The following CNTN1 variants were observed in gnomAD, a reference collection of about 807,000 sequenced individuals.
The protein encoded by CNTN1 is contactin 1, also known as contactin-1.
A neutral mutation model predicts 126.4 loss-of-function variants in CNTN1; 38 were observed. That is an observed-to-expected ratio of 0.30 (90% confidence interval 0.23 to 0.39). The LOEUF (loss-of-function observed/expected upper bound fraction) is 0.39, where lower values mean the gene tolerates loss of function less well. CNTN1 is among the 10% of genes least tolerant of loss of function. CNTN1 has a pLI of 1.00. For synonymous variants in CNTN1, 413 were observed against 422.6 expected, an observed-to-expected ratio of 0.98 and a Z score of 0.28; for missense variants, 1,009 against 1,248.4, an observed-to-expected ratio of 0.81 and a Z score of 2.89.
intron 17 of CNTN1, among the ~76,000 whole-genome samples, chr12:40,996,619 C>A (rs1428976119): frequency 6.6e-6 from 1 of 152,126 alleles, no homozygotes; most frequent in African/African-American, 2.4e-5. Flanking sequence ...GGTCTCCTGT[C>A]TACTTTGTAA....
At chr12:40,701,145 C>A (rs1052806123) in intron 1 of CNTN1, among the ~76,000 whole-genome samples, 3 of 152,106 alleles carry the variant, frequency 2.0e-5, no homozygotes, top group African/African-American at 7.2e-5. Context: ...CGGAATCTAT[C>A]CCTAGACCCT....
At chr12:40,803,199 G>T (rs562375864) in intron 1 of CNTN1, among the ~76,000 whole-genome samples, 3 of 152,024 alleles carry the variant, frequency 2.0e-5, no homozygotes, top group African/African-American at 7.2e-5. Flanking sequence ...GTTAATTGTA[G>T]ATCTCTTCAG....
chr12:40,698,262 G>C (rs10879019), intron 1 of CNTN1, among the ~76,000 whole-genome samples: 80,628 of 126,922 alleles, frequency 0.64, 25,500 homozygotes, highest in East Asian at 0.85. Flanking sequence ...TTTTTACGGA[G>C]TCTCGCTCTG....
intron 1 of CNTN1, among the ~76,000 whole-genome samples, chr12:40,728,225 G>C (rs1942407038): frequency 6.6e-6 from 1 of 152,132 alleles, no homozygotes; most frequent in African/African-American, 2.4e-5. Context: ...CATGAAACAG[G>C]AAGTCCAGAG....
rs192698401 is a variant in CNTN1 at position 40,871,816 on chromosome 12, G to T, written c.-76-36541G>T. 4.5e-3 allele frequency among the ~76,000 whole-genome samples: 692 copies of T among 152,176 alleles called. 6 individuals are homozygous for T. Among genetic ancestry groups the T allele is most frequent in the African/African-American group, 0.012 (514 of 41,526 alleles). On this transcript the variant is annotated intron_variant, in intron 1 of 23. Transcript: ENST00000551295. Reference sequence around the variant, plus strand: ...ATTTTTCTTTTGGCTGGAGGTTATTGTTGGTGGTGGTAGTTTGACAGAAAA... The same window carrying T: ...ATTTTTCTTTTGGCTGGAGGTTATTTTTGGTGGTGGTAGTTTGACAGAAAA...
intron 1 of CNTN1, among the ~76,000 whole-genome samples, chr12:40,833,376 G>A (rs544228102): frequency 3.2e-4 from 49 of 152,214 alleles, no homozygotes; most frequent in African/African-American, 1.1e-3. Context: ...GATTACAGGC[G>A]TGAGGCACTG....
chr12:40,693,673 C>T (rs1233273633), intron 1 of CNTN1, among the ~76,000 whole-genome samples: 3 of 152,120 alleles, frequency 2.0e-5, no homozygotes, highest in Non-Finnish European at 4.4e-5. Flanking sequence ...CTTGTGTGTG[C>T]ACATCTCCAA....
intron 1 of CNTN1, among the ~76,000 whole-genome samples, chr12:40,901,590 A>T (rs900844968): frequency 6.6e-6 from 1 of 152,162 alleles, no homozygotes; most frequent in Non-Finnish European, 1.5e-5. Context: ...ATGTTTTAGA[A>T]TGTGTTGTAT....
intron 23 of CNTN1, among the ~76,000 whole-genome samples, chr12:41,047,929 G>A (rs1011258251): frequency 2.0e-5 from 3 of 151,998 alleles, no homozygotes; most frequent in Non-Finnish European, 2.9e-5. Context: ...TGACCTATCA[G>A]GAAGGACAAG....
At chr12:41,009,099 ATTT>A (rs1948581739) in intron 17 of CNTN1, among the ~76,000 whole-genome samples, 1 of 152,070 alleles carries the variant, frequency 6.6e-6, no homozygotes, top group South Asian at 2.1e-4. Context: ...CCCAATCTGG[ATTT>A]TCTAGGGGAG....
At chr12:40,897,896 A>G (rs1222355386) in intron 1 of CNTN1, among the ~76,000 whole-genome samples, 1 of 152,208 alleles carries the variant, frequency 6.6e-6, no homozygotes, top group Non-Finnish European at 1.5e-5. Context: ...TCTCTGTGAA[A>G]GAAACAAAAG....
At chr12:40,933,951 C>G in intron 9 of CNTN1, 73 bp downstream of exon 9, 1 of 1,139,190 alleles carries the variant, frequency 8.8e-7, no homozygotes, top group Non-Finnish European at 1.3e-6. Flanking sequence ...ACATGAAAAA[C>G]TACTATATAA....
chr12:40,837,696 G>A (rs1409354732), intron 1 of CNTN1, among the ~76,000 whole-genome samples: 2 of 152,200 alleles, frequency 1.3e-5, no homozygotes, highest in Non-Finnish European at 2.9e-5. Context: ...ATGGGACTGA[G>A]GAGCAAGCCG....
chr12:40,862,502 T>G (rs1407465851), intron 1 of CNTN1, among the ~76,000 whole-genome samples: 1 of 152,172 alleles, frequency 6.6e-6, no homozygotes, highest in Non-Finnish European at 1.5e-5. Context: ...GAGGTTTGGC[T>G]TTTTTTGTTA....
rs111442544 is a variant in CNTN1 at position 40,906,669 on chromosome 12, C to CTTTTTTTTTTTT, written c.-76-1679_-76-1678insTTTTTTTTTTTT. On this transcript the variant is annotated intron_variant, in intron 1 of 23. Coordinates refer to ENST00000551295, the MANE Select transcript of CNTN1 (RefSeq NM_001843.4). ...TTTCCTTTTAAAATTGTTTTTCATG[C>CTTTTTTTTTTTT]TTTTTTTTTGTTTTGTTTTTTTTGA... 1.8e-3 allele frequency among the ~76,000 whole-genome samples: 197 copies of CTTTTTTTTTTTT among 107,158 alleles called. 21 individuals are homozygous for CTTTTTTTTTTTT. The highest frequency in any genetic ancestry group is 2.5e-3 in the Non-Finnish European group (134 of 53,272). 70.3% of individuals were successfully genotyped at this position (107,158 alleles called of 152,430 possible).
At chr12:40,851,857 T>C (rs978389731) in intron 1 of CNTN1, among the ~76,000 whole-genome samples, 2 of 152,140 alleles carry the variant, frequency 1.3e-5, no homozygotes, top group African/African-American at 4.8e-5. Flanking sequence ...GTTTATTCTG[T>C]GCAAGTATAG....
chr12:40,974,565 C>G (rs1484180165), intron 15 of CNTN1, among the ~76,000 whole-genome samples: 1 of 152,134 alleles, frequency 6.6e-6, no homozygotes, highest in South Asian at 2.1e-4. Flanking sequence ...GAAAAGTCAG[C>G]AACGGAAACC....
intron 18 of CNTN1, among the ~76,000 whole-genome samples, chr12:41,015,667 G>A (rs2120737996): frequency 1.3e-5 from 2 of 150,692 alleles, no homozygotes; most frequent in Non-Finnish European, 3.0e-5. Flanking sequence ...AAGCAATAGT[G>A]TTATATTTAC....
At chr12:41,064,303 G>T (rs566915085) in intron 23 of CNTN1, among the ~76,000 whole-genome samples, 1 of 152,266 alleles carries the variant, frequency 6.6e-6, no homozygotes, top group Non-Finnish European at 1.5e-5. Context: ...TTAGGTTGGG[G>T]TTCTGTTTCT....
Sources: allele counts gnomAD v4.1 joint callset (sites outside exome capture counted in the v4.1 genomes callset), GRCh38; gene constraint gnomAD v4.1.1; transcripts MANE v1.5; gene names NCBI Gene and HGNC (gene_info 2026-07-23, HGNC 2026-07-21).